Variants in CSMD1 observed in about 807,000 individuals in gnomAD.
CSMD1 encodes the protein CUB and sushi domain-containing protein 1.
In CSMD1, 213 loss-of-function variants were observed where a neutral mutation model predicts 417.5. That is an observed-to-expected ratio of 0.51 (90% CI 0.46 to 0.57). The LOEUF (loss-of-function observed/expected upper bound fraction) is 0.57. Among genes scored for constraint, CSMD1 ranks in the 20% least tolerant of loss-of-function variants. The pLI, the probability that CSMD1 is intolerant of heterozygous loss-of-function variation, is 0.00. For missense variants in CSMD1, 6,923 were observed against 4,529.7 expected (o/e 1.53, Z -15.17); for synonymous variants, 2,862 against 1,736.8 (o/e 1.65, Z -16.11).
chr8:4,424,667 C>T (rs1443961623), intron 2 of CSMD1, among the ~76,000 whole-genome samples: 3 of 152,024 alleles, frequency 2.0e-5, no homozygotes, highest in Non-Finnish European at 2.9e-5. Flanking sequence ...TTGACATTTC[C>T]TTTAAAAACG....
chr8:4,480,892 G>C (rs576639215), intron 2 of CSMD1, among the ~76,000 whole-genome samples: 97 of 152,082 alleles, frequency 6.4e-4, no homozygotes, highest in Non-Finnish European at 1.1e-3. Context: ...AGATTCCTGG[G>C]GTACATCCCT....
At chr8:3,011,976 T>C (rs1808422836) in intron 52 of CSMD1, among the ~76,000 whole-genome samples, 1 of 152,198 alleles carries the variant, frequency 6.6e-6, no homozygotes, top group African/African-American at 2.4e-5. Flanking sequence ...CAGGTCAGCA[T>C]TCTCAGTGCT....
intron 5 of CSMD1, among the ~76,000 whole-genome samples, chr8:3,990,941 T>C (rs1411935892): frequency 6.6e-6 from 1 of 152,130 alleles, no homozygotes; most frequent in African/African-American, 2.4e-5. Context: ...GAAAGCATCA[T>C]CTCTAGATGA....
chr8:4,708,559 G>A (rs921813115), intron 1 of CSMD1, among the ~76,000 whole-genome samples: 9 of 152,150 alleles, frequency 5.9e-5, no homozygotes, highest in Admixed American at 5.9e-4. Context: ...TGATTGCCAG[G>A]TAATATTGTA....
At chr8:3,932,836 G>T (rs1299585263) in intron 5 of CSMD1, among the ~76,000 whole-genome samples, 1 of 149,948 alleles carries the variant, frequency 6.7e-6, no homozygotes, top group Non-Finnish European at 1.5e-5. Flanking sequence ...TCTTTTTTAT[G>T]CTATTGTTAT....
intron 1 of CSMD1, among the ~76,000 whole-genome samples, chr8:4,730,465 G>A (rs1389951707): frequency 3.3e-5 from 5 of 152,184 alleles, no homozygotes; most frequent in African/African-American, 1.2e-4. Flanking sequence ...AAATGGCCAG[G>A]AGCAGTGGCT....
intron 3 of CSMD1, among the ~76,000 whole-genome samples, chr8:4,054,327 G>C (rs901139849): frequency 1.3e-5 from 2 of 152,128 alleles, no homozygotes; most frequent in Non-Finnish European, 2.9e-5. Context: ...TGGGGAGCTG[G>C]GGTAGGAATG....
chr8:4,341,767 A>G (rs147755436), intron 3 of CSMD1, among the ~76,000 whole-genome samples: 24 of 152,244 alleles, frequency 1.6e-4, no homozygotes, highest in East Asian at 3.9e-4. Context: ...ATAATGGTCA[A>G]TAATATTGTG....
chr8:4,867,954 G>C (rs1230658010), intron 1 of CSMD1, among the ~76,000 whole-genome samples: 1 of 60,184 alleles, frequency 1.7e-5, no homozygotes, highest in Admixed American at 2.5e-4. Context: ...GTTTCTACAA[G>C]TGCCTTAGAT....
chr8:3,999,307 G>A lies in CSMD1; in HGVS notation c.611-1197C>T, dbSNP rs182989269. On this transcript the variant is annotated intron_variant, in intron 4 of 69. Transcript: ENST00000635120. ...TGCTGTAAGCAGAGGTTGTGTGACC[G>A]GCCTGAGCTCTTACAAAGTGCATAT... Among the ~76,000 whole-genome samples the A allele has an allele frequency of 3.9e-4, 60 of 152,150 alleles. No homozygotes were observed. The East Asian group carries it at 0.011, about 27-fold the overall frequency.
At chr8:3,677,191 A>G (rs1799420470) in intron 7 of CSMD1, among the ~76,000 whole-genome samples, 1 of 152,332 alleles carries the variant, frequency 6.6e-6, no homozygotes, top group South Asian at 2.1e-4. Context: ...AAACACGTAT[A>G]TAAGACTTAT....
chr8:3,344,134 G>C (rs1585028966), intron 22 of CSMD1, among the ~76,000 whole-genome samples: 1 of 152,304 alleles, frequency 6.6e-6, no homozygotes, highest in African/African-American at 2.4e-5. Context: ...GCTTGGTTTT[G>C]ACCAGCCGGG....
chr8:4,270,161 G>C (rs1001003699), intron 3 of CSMD1, among the ~76,000 whole-genome samples: 2 of 152,218 alleles, frequency 1.3e-5, no homozygotes, highest in Admixed American at 6.5e-5. Flanking sequence ...CGAGAGACTT[G>C]AAGGAGGCAA....
chr8:4,526,029 G>A (rs17343946), intron 2 of CSMD1, among the ~76,000 whole-genome samples: 1 of 152,014 alleles, frequency 6.6e-6, no homozygotes, highest in Non-Finnish European at 1.5e-5. Context: ...AGAAGGAGTG[G>A]AGCGGGTGAT....
intron 25 of CSMD1, among the ~76,000 whole-genome samples, chr8:3,291,133 A>G (rs1446030484): frequency 6.6e-6 from 1 of 152,008 alleles, no homozygotes; most frequent in African/African-American, 2.4e-5. Context: ...ACATTTATTG[A>G]TTTTCGTATG....
At chr8:3,412,205 C>A (rs1360027130) in intron 12 of CSMD1, among the ~76,000 whole-genome samples, 3 of 150,312 alleles carry the variant, frequency 2.0e-5, no homozygotes, top group South Asian at 2.1e-4. Flanking sequence ...TACATACACA[C>A]ACACACACCA....
intron 10 of CSMD1, among the ~76,000 whole-genome samples, chr8:3,556,542 AC>A (rs1380252452): frequency 7.0e-6 from 1 of 143,636 alleles, no homozygotes; most frequent in African/African-American, 2.9e-5. Context: ...ACACACACAC[AC>A]ACACACACCC....
intron 12 of CSMD1, among the ~76,000 whole-genome samples, chr8:3,426,447 T>C (rs537379211): frequency 6.6e-6 from 1 of 152,300 alleles, no homozygotes; most frequent in Admixed American, 6.5e-5. Flanking sequence ...AACATCACTT[T>C]TCAAATCAAT....
chr8:3,772,762 G>C (rs898723621), intron 5 of CSMD1, among the ~76,000 whole-genome samples: 2 of 149,082 alleles, frequency 1.3e-5, no homozygotes, highest in Non-Finnish European at 3.0e-5. Context: ...AGCAAATATT[G>C]AACGAATGTC....
Sources: allele counts gnomAD v4.1 joint callset (sites outside exome capture counted in the v4.1 genomes callset), GRCh38; gene constraint gnomAD v4.1.1; transcripts MANE v1.5; gene names NCBI Gene and HGNC (gene_info 2026-07-23, HGNC 2026-07-21).